The following CIT variants were observed in gnomAD, a reference collection of about 807,000 sequenced individuals.
CIT encodes the protein citron rho-interacting serine/threonine kinase.
A neutral mutation model predicts 272.7 loss-of-function variants in CIT; 79 were observed. The observed-to-expected ratio is 0.29, with a 90% confidence interval of 0.24 to 0.35. The LOEUF (loss-of-function observed/expected upper bound fraction) is 0.35, where lower values mean the gene tolerates loss of function less well. Among genes scored for constraint, CIT ranks in the 10% least tolerant of loss-of-function variants. The probability of loss-of-function intolerance (pLI) is 1.00; values close to 1 mark genes in which losing one functional copy is unlikely to be tolerated. For missense variants in CIT, 1,909 were observed against 2,618.3 expected (o/e 0.73, Z 5.91); for synonymous variants, 948 against 995.6 (o/e 0.95, Z 0.90).
intron 47 of CIT, among the ~76,000 whole-genome samples, chr12:119,689,389 GAA>G (rs981276689): frequency 8.9e-6 from 1 of 111,742 alleles, no homozygotes; most frequent in Non-Finnish European, 2.0e-5. Flanking sequence ...TCTCTCAAAA[GAA>G]AAAAAAAAAA....
chr12:119,753,311 AGGTGGCAC>A (rs1960492502), intron 22 of CIT, among the ~76,000 whole-genome samples: 1 of 152,180 alleles, frequency 6.6e-6, no homozygotes, highest in South Asian at 2.1e-4. Context: ...TCCCTAGAAA[AGGTGGCAC>A]CCACATCCCG....
intron 9 of CIT, among the ~76,000 whole-genome samples, chr12:119,819,269 G>A (rs1254721277): frequency 2.0e-5 from 3 of 152,278 alleles, no homozygotes; most frequent in Admixed American, 1.3e-4. Context: ...CAGAGTGTTC[G>A]ACTTGCTGGA....
intron 2 of CIT, among the ~76,000 whole-genome samples, chr12:119,872,505 G>C (rs1252543541): frequency 6.6e-6 from 1 of 152,196 alleles, no homozygotes; most frequent in East Asian, 1.9e-4. Context: ...GCAAATGATA[G>C]GTATATACTA....
intron 13 of CIT, among the ~76,000 whole-genome samples, chr12:119,779,552 G>A (rs1214493302): frequency 6.6e-6 from 1 of 152,150 alleles, no homozygotes; most frequent in Non-Finnish European, 1.5e-5. Context: ...GAGCTAATGG[G>A]AAAGCCAGTC....
intron 22 of CIT, among the ~76,000 whole-genome samples, chr12:119,755,502 A>C (rs991104639): frequency 6.6e-5 from 10 of 152,212 alleles, no homozygotes; most frequent in Non-Finnish European, 1.5e-5. Context: ...ATTCCATCAC[A>C]AATATTTGAG....
At chr12:119,769,119 G>C (rs1403837722) in intron 18 of CIT, among the ~76,000 whole-genome samples, 4 of 151,304 alleles carry the variant, frequency 2.6e-5, no homozygotes, top group Admixed American at 2.6e-4. Flanking sequence ...AGATAGCACA[G>C]GAATGGAAAT....
intron 47 of CIT, among the ~76,000 whole-genome samples, chr12:119,688,749 A>T (rs896629162): frequency 1.3e-5 from 2 of 152,240 alleles, no homozygotes; most frequent in African/African-American, 4.8e-5. Context: ...TCGCAAACCT[A>T]AAATTACACA....
chr12:119,824,108 G>GTATATATATATA (rs59234933), intron 8 of CIT, among the ~76,000 whole-genome samples: 3 of 125,514 alleles, frequency 2.4e-5, no homozygotes, highest in East Asian at 2.4e-4. Flanking sequence ...TAGTTTTACT[G>GTATATATATATA]TATATATATA....
At chr12:119,840,064 G>A (rs1392594688) in intron 5 of CIT, among the ~76,000 whole-genome samples, 1 of 152,212 alleles carries the variant, frequency 6.6e-6, no homozygotes, top group African/African-American at 2.4e-5. Flanking sequence ...TGCCAGGAAT[G>A]CCGGCATTTG....
At position 119,713,934 on chromosome 12, in the gene CIT, G is replaced by A; in HGVS notation, c.4306+263C>T. 1 of 607,094 alleles carries A rather than the reference G, an allele frequency of 1.6e-6. No individual in the cohort carries two copies. The highest frequency in any genetic ancestry group is 2.9e-6 in the Non-Finnish European group (1 of 344,522). 37.6% of individuals were successfully genotyped at this position (607,094 alleles called of 1,614,324 possible). A position where few individuals can be genotyped will look rare whatever the true frequency, so the allele number is the denominator to read the frequency against. ...TGTTTCAGTTGGAGTCAGCGGAAAG[G>A]TAGGGAGAGACCAGCCTGACAAAAA... On this transcript the variant is annotated intron_variant, in intron 33 of 47. Transcript: ENST00000392521. The surrounding 1 kb of genome is among the most constrained non-coding windows in gnomAD (Gnocchi z 5.2).
intron 22 of CIT, among the ~76,000 whole-genome samples, chr12:119,755,012 G>T (rs1960756200): frequency 6.6e-6 from 1 of 152,190 alleles, no homozygotes; most frequent in Non-Finnish European, 1.5e-5. Flanking sequence ...TGATCTTGCT[G>T]TTAAACTTAC....
intron 5 of CIT, among the ~76,000 whole-genome samples, chr12:119,840,350 C>T (rs1969326301): frequency 6.6e-6 from 1 of 152,100 alleles, no homozygotes; most frequent in Non-Finnish European, 1.5e-5. Context: ...ATTATTGGGC[C>T]CCACCCCAGA....
intron 4 of CIT, among the ~76,000 whole-genome samples, chr12:119,854,216 C>T (rs1443867001): frequency 6.6e-6 from 1 of 151,716 alleles, no homozygotes; most frequent in Non-Finnish European, 1.5e-5. Context: ...TTAGTAGAGA[C>T]AGGGTTTCTC....
chr12:119,730,755 T>C, intron 26 of CIT, 125 bp from the exon 27 acceptor site: 2 of 957,176 alleles, frequency 2.1e-6, no homozygotes, highest in South Asian at 1.8e-5. Context: ...ATGCCCAACC[T>C]TGACTCTTAG....
chr12:119,826,724 A>G (rs981827992), intron 7 of CIT, among the ~76,000 whole-genome samples: 1 of 152,224 alleles, frequency 6.6e-6, no homozygotes, highest in Admixed American at 6.5e-5. Context: ...CAGCAGTTAC[A>G]TGGTACAAAA....
chr12:119,791,601 TC>T (rs1351908325), intron 10 of CIT, among the ~76,000 whole-genome samples: 1 of 152,182 alleles, frequency 6.6e-6, no homozygotes, highest in African/African-American at 2.4e-5. Context: ...CCTGGCCACA[TC>T]TCGGATACAC....
intron 21 of CIT, among the ~76,000 whole-genome samples, chr12:119,757,945 A>T (rs1961240566): frequency 6.6e-6 from 1 of 152,206 alleles, no homozygotes; most frequent in African/African-American, 2.4e-5. Flanking sequence ...AGGACTAAGG[A>T]GAAAGAATGG....
At chr12:119,816,110 G>C (rs530091051) in intron 9 of CIT, among the ~76,000 whole-genome samples, 4 of 152,282 alleles carry the variant, frequency 2.6e-5, no homozygotes, top group Admixed American at 6.5e-5. Flanking sequence ...GCACTTTGCA[G>C]AGCTCCTGGC....
chr12:119,769,279 T>A (rs1451132661), intron 18 of CIT, among the ~76,000 whole-genome samples: 2 of 152,314 alleles, frequency 1.3e-5, no homozygotes, highest in Non-Finnish European at 2.9e-5. Context: ...AAGTGAACCT[T>A]AGGAAGAGCA....
Sources: allele counts gnomAD v4.1 joint callset (sites outside exome capture counted in the v4.1 genomes callset), GRCh38; gene constraint gnomAD v4.1.1; non-coding constraint Gnocchi (gnomAD v3.1); transcripts MANE v1.5; gene names NCBI Gene and HGNC (gene_info 2026-07-23, HGNC 2026-07-21).